Variants in KDM4C observed in about 807,000 individuals in gnomAD.
KDM4C encodes lysine-specific demethylase 4C.
A neutral mutation model predicts 129.3 loss-of-function variants in KDM4C; 81 were observed. The ratio of observed to expected loss-of-function variants is 0.63; its 90% CI spans 0.52 to 0.75. The LOEUF (loss-of-function observed/expected upper bound fraction) is 0.75. KDM4C is among the 30% of genes least tolerant of loss of function. The probability of loss-of-function intolerance (pLI) is 0.00; values close to 1 mark genes in which losing one functional copy is unlikely to be tolerated. For missense variants in KDM4C, 1,457 were observed against 1,304.0 expected (o/e 1.12, Z -1.81); for synonymous variants, 573 against 456.1 (o/e 1.26, Z -3.26).
intron 5 of KDM4C, among the ~76,000 whole-genome samples, chr9:6,856,348 G>A (rs1402447334): frequency 6.6e-6 from 1 of 152,060 alleles, no homozygotes; most frequent in South Asian, 2.1e-4. Context: ...GTGTAAAGCT[G>A]CATTATTTTG....
At chr9:7,154,050 C>T (rs962849757) in intron 19 of KDM4C, among the ~76,000 whole-genome samples, 3 of 152,160 alleles carry the variant, frequency 2.0e-5, no homozygotes, top group African/African-American at 4.8e-5. Flanking sequence ...CTGGCCAGGC[C>T]GCTGTAGTTG....
At chr9:6,931,393 GGACATTTTAT>G (rs1823703050) in intron 8 of KDM4C, among the ~76,000 whole-genome samples, 1 of 151,902 alleles carries the variant, frequency 6.6e-6, no homozygotes, top group South Asian at 2.1e-4. Flanking sequence ...TAGATAACAA[GGACATTTTAT>G]GTACTTAAAG....
intron 5 of KDM4C, among the ~76,000 whole-genome samples, chr9:6,868,712 T>A (rs1213659411): frequency 6.6e-6 from 1 of 152,016 alleles, no homozygotes; most frequent in African/African-American, 2.4e-5. Context: ...GTATTTTTGA[T>A]CTGTGATTGG....
At chr9:6,837,004 T>C (rs1359035595) in intron 4 of KDM4C, among the ~76,000 whole-genome samples, 2 of 152,230 alleles carry the variant, frequency 1.3e-5, no homozygotes, top group Non-Finnish European at 2.9e-5. Flanking sequence ...TACCAGATAC[T>C]GTTGAATTGC....
chr9:7,146,918 C>A (rs999354502), intron 19 of KDM4C, among the ~76,000 whole-genome samples: 1 of 152,172 alleles, frequency 6.6e-6, no homozygotes, highest in African/African-American at 2.4e-5. Context: ...CTCAGTGTTT[C>A]CTTCACTATT....
intron 6 of KDM4C, among the ~76,000 whole-genome samples, chr9:6,882,275 A>G (rs755212143): frequency 4.3e-4 from 65 of 152,338 alleles, no homozygotes; most frequent in Non-Finnish European, 7.2e-4. Context: ...GTTTGATACA[A>G]TTGGATTGCA....
intron 4 of KDM4C, among the ~76,000 whole-genome samples, chr9:6,824,387 A>G (rs1833537711): frequency 6.6e-6 from 1 of 152,202 alleles, no homozygotes; most frequent in Admixed American, 6.5e-5. Context: ...TGGTCTAGTT[A>G]CAGCAAGAGG....
At chr9:6,921,861 A>G (rs901814911) in intron 8 of KDM4C, among the ~76,000 whole-genome samples, 7 of 152,066 alleles carry the variant, frequency 4.6e-5, no homozygotes, top group African/African-American at 1.7e-4. Context: ...AGTAAGGCAC[A>G]TTAATGCCCT....
chr9:6,859,434 C>T (rs2130410540), intron 5 of KDM4C, among the ~76,000 whole-genome samples: 2 of 144,926 alleles, frequency 1.4e-5, no homozygotes, highest in Admixed American at 1.4e-4. Context: ...GATATCACGC[C>T]ACTGCACTCC....
intron 1 of KDM4C, among the ~76,000 whole-genome samples, chr9:6,782,097 T>C (rs1176809137): frequency 6.6e-6 from 1 of 152,216 alleles, no homozygotes; most frequent in East Asian, 1.9e-4. Flanking sequence ...GTGCTGGGAT[T>C]ACAGGTGTGA....
chr9:7,029,506 T>A (rs1194532820), intron 15 of KDM4C, among the ~76,000 whole-genome samples: 1 of 151,988 alleles, frequency 6.6e-6, no homozygotes, highest in Non-Finnish European at 1.5e-5. Flanking sequence ...AGGTAATTGC[T>A]AATAAGTAAT....
At chr9:6,807,063 T>C (rs1830125342) in intron 3 of KDM4C, among the ~76,000 whole-genome samples, 1 of 152,040 alleles carries the variant, frequency 6.6e-6, no homozygotes, top group South Asian at 2.1e-4. Context: ...CACGCCTGAC[T>C]GGTTTTGGTG....
chr9:6,908,135 A>G (rs1214231333), intron 8 of KDM4C, among the ~76,000 whole-genome samples: 1 of 152,150 alleles, frequency 6.6e-6, no homozygotes, highest in Non-Finnish European at 1.5e-5. Context: ...ATGTAACTTA[A>G]TGTAGTAAGG....
At chr9:6,811,430 C>G (rs537568301) in intron 3 of KDM4C, among the ~76,000 whole-genome samples, 1 of 152,202 alleles carries the variant, frequency 6.6e-6, no homozygotes, top group Admixed American at 6.5e-5. Context: ...GGGATCTTTC[C>G]ATTCATCTGT....
chr9:7,114,377 G>C (rs977785829), intron 18 of KDM4C, among the ~76,000 whole-genome samples: 6 of 152,134 alleles, frequency 3.9e-5, no homozygotes, highest in Non-Finnish European at 7.3e-5. Context: ...TGGGTACATT[G>C]AGAAATTAAT....
At chr9:7,155,125 G>C (rs753033069) in intron 19 of KDM4C, among the ~76,000 whole-genome samples, 1 of 152,156 alleles carries the variant, frequency 6.6e-6, no homozygotes, top group African/African-American at 2.4e-5. Context: ...GTCAGAGAGA[G>C]CTTTGGGGAT....
intron 5 of KDM4C, among the ~76,000 whole-genome samples, chr9:6,875,254 T>C (rs903105166): frequency 6.6e-6 from 1 of 152,166 alleles, no homozygotes; most frequent in Non-Finnish European, 1.5e-5. Context: ...GAGAAAGCCA[T>C]AGACCCTTCC....
intron 17 of KDM4C, among the ~76,000 whole-genome samples, chr9:7,075,191 A>G (rs1476333964): frequency 1.3e-5 from 2 of 152,206 alleles, no homozygotes; most frequent in East Asian, 1.9e-4. Context: ...AACGGATCCC[A>G]GCGCATAATA....
intron 5 of KDM4C, among the ~76,000 whole-genome samples, chr9:6,863,168 C>A (rs566897139): frequency 1.5e-4 from 23 of 151,826 alleles, no homozygotes; most frequent in Admixed American, 3.3e-4. Flanking sequence ...TGCTTTAACT[C>A]CCCCCCACCC....
Sources: allele counts gnomAD v4.1 joint callset (sites outside exome capture counted in the v4.1 genomes callset), GRCh38; gene constraint gnomAD v4.1.1; transcripts MANE v1.5; gene names NCBI Gene and HGNC (gene_info 2026-07-23, HGNC 2026-07-21).